The following IFFO2 variants were observed in gnomAD, a reference collection of about 807,000 sequenced individuals.
The protein encoded by IFFO2 is intermediate filament family orphan 2.
IFFO2 carries 19 observed loss-of-function variants against 53.5 expected under a neutral mutation model. That is an observed-to-expected ratio of 0.36 (90% CI 0.25 to 0.52). The LOEUF (loss-of-function observed/expected upper bound fraction) is 0.52. Ranked by LOEUF, IFFO2 falls within the 20% of genes least tolerant of loss-of-function variation. The pLI is 0.94. For synonymous variants in IFFO2, 303 were observed against 313.6 expected, an observed-to-expected ratio of 0.97 and a Z score of 0.36; for missense variants, 570 against 727.4, an observed-to-expected ratio of 0.78 and a Z score of 2.49.
intron 1 of IFFO2, among the ~76,000 whole-genome samples, chr1:18,955,097 G>A (rs936280549): frequency 6.6e-6 from 1 of 152,154 alleles, no homozygotes; most frequent in Admixed American, 6.5e-5. Context: ...TTTCAAAAAC[G>A]TGATCTCATT....
rs533230199 is a variant in IFFO2, at chr1:18,928,989, C to A, written c.666-7868G>T. On this transcript the variant is annotated intron_variant, in intron 1 of 8. Coordinates refer to ENST00000455833, the MANE Select transcript of IFFO2 (RefSeq NM_001136265.2). The surrounding 1 kb of genome is among the most constrained non-coding windows in gnomAD (Gnocchi z 4.9). ...GCTGGGTGCCCTCTCCCAGAAGAAG[C>A]AGCAGCGTGGTGTGGGAGCATGCAT... Among the ~76,000 whole-genome samples the A allele has an allele frequency of 6.6e-6, 1 of 152,306 alleles. No individual in the cohort carries two copies. The highest frequency in any genetic ancestry group is 2.1e-4 in the South Asian group (1 of 4,822).
chr1:18,940,329 G>A (rs930634746), intron 1 of IFFO2, among the ~76,000 whole-genome samples: 3 of 152,166 alleles, frequency 2.0e-5, no homozygotes, highest in Admixed American at 6.5e-5. Flanking sequence ...CCCTAGCTCC[G>A]CCACTCGCCC....
chr1:18,913,755 C>T (rs1159130308), intron 5 of IFFO2, among the ~76,000 whole-genome samples: 1 of 152,176 alleles, frequency 6.6e-6, no homozygotes, highest in Admixed American at 6.5e-5. Flanking sequence ...GCGGCCCACA[C>T]AGAACTGCAG....
intron 5 of IFFO2, among the ~76,000 whole-genome samples, chr1:18,913,717 C>T (rs991613613): frequency 4.6e-5 from 7 of 152,202 alleles, no homozygotes; most frequent in African/African-American, 1.7e-4. Context: ...TGGGAAAGGC[C>T]CAGGGCCCCG....
rs1449602009 is a variant in IFFO2 at position 18,955,905 on chromosome 1, A to C, written c.428T>G (p.Leu143Arg). The change falls in exon 1 of 9, where the codon CTG (leucine) becomes CGG (arginine). Residue 143 changes from leucine (L) to arginine (R), a missense_variant. Physicochemically the swap from Leu to Arg is moderately radical, Grantham distance 102. Transcript: ENST00000455833. ...ANANAVALGG[L>R]PPGGGSHPQH... ...CGGGTGCGAGCCGCCGCCGGGGGGC[A>C]GGCCGCCCAGGGCCACGGCATTGGC... 1 of 1,339,858 alleles carries C rather than the reference A, an allele frequency of 7.5e-7. No homozygotes were observed. Among genetic ancestry groups the C allele is most frequent in the Non-Finnish European group, 9.5e-7 (1 of 1,054,870 alleles). 83.0% of individuals were successfully genotyped at this position (1,339,858 alleles called of 1,614,324 possible).
Position 18,956,246 on chromosome 1 carries a change from G to T in IFFO2, c.87C>A (p.Gly29=). 1.8e-6 allele frequency: 2 copies of T among 1,135,320 alleles called. No homozygotes were observed. The highest frequency in any genetic ancestry group is 1.1e-6 in the Non-Finnish European group (1 of 895,042). The allele number at this position is 1,135,320 out of a possible 1,614,324, so 70.3% of individuals were successfully genotyped here. The change falls in exon 1 of 9, where the codon GGC becomes GGA. Residue 29 remains glycine (G), a synonymous_variant. Coordinates refer to ENST00000455833, the MANE Select transcript of IFFO2 (RefSeq NM_001136265.2). The surrounding 1 kb of genome is among the most constrained non-coding windows in gnomAD (Gnocchi z 6.4). The part of the protein sequence containing the change: ...GGGGGGCPGG[G]GGGGGAGPGP... ...CCGGCCCTGCCCCGCCGCCGCCGCC[G>T]CCCCCGCCAGGGCAGCCCCCGCCGC... is the stretch of plus-strand genomic sequence containing the variant.
At chr1:18,949,340 T>A (rs1239650788) in intron 1 of IFFO2, among the ~76,000 whole-genome samples, 1 of 152,220 alleles carries the variant, frequency 6.6e-6, no homozygotes, top group Non-Finnish European at 1.5e-5. Flanking sequence ...GGCAGACACA[T>A]GCCAGGTAGT....
At chr1:18,913,326 G>C (rs906391629) in intron 5 of IFFO2, among the ~76,000 whole-genome samples, 1 of 152,376 alleles carries the variant, frequency 6.6e-6, no homozygotes, top group East Asian at 1.9e-4. Context: ...GGAGAGGGCC[G>C]TGTGGCCCGG....
At chr1:18,932,759 C>T (rs75670292) in intron 1 of IFFO2, among the ~76,000 whole-genome samples, 1 of 152,176 alleles carries the variant, frequency 6.6e-6, no homozygotes, top group African/African-American at 2.4e-5. Flanking sequence ...GGCCAAGGCC[C>T]CGGGGATGAG....
intron 1 of IFFO2, among the ~76,000 whole-genome samples, chr1:18,938,097 C>A (rs1557647185): frequency 2.0e-5 from 3 of 152,238 alleles, no homozygotes; most frequent in Non-Finnish European, 4.4e-5. Flanking sequence ...CACCCCCTGT[C>A]CCTTATCCCA....
intron 1 of IFFO2, among the ~76,000 whole-genome samples, chr1:18,944,873 AG>A (rs1936566433): frequency 6.6e-6 from 1 of 152,220 alleles, no homozygotes; most frequent in East Asian, 1.9e-4. Flanking sequence ...CAAGAAAGAA[AG>A]GAAAGAGGGA....
Position 18,955,667 on chromosome 1 carries a change from C to A in IFFO2, c.665+1G>T. 6.3e-7 allele frequency: 1 copy of A among 1,576,992 alleles called. No individual in the cohort carries two copies. Among genetic ancestry groups the A allele is most frequent in the East Asian group, 2.4e-5 (1 of 41,976 alleles). On this transcript the variant is annotated splice_donor_variant, in intron 1 of 8. Coordinates refer to ENST00000455833, the MANE Select transcript of IFFO2 (RefSeq NM_001136265.2). LOFTEE classifies it high-confidence loss of function. ...GCGGCGGGGGAGGGGCGGCCACTCA[C>A]CTCCGCTTATACTCGTCGCGCTCGC... is the stretch of plus-strand genomic sequence containing the variant.
chr1:18,939,701 G>A (rs1936496420), intron 1 of IFFO2, among the ~76,000 whole-genome samples: 1 of 152,168 alleles, frequency 6.6e-6, no homozygotes, highest in African/African-American at 2.4e-5. Context: ...TACGCAGCAA[G>A]GTAATGGTGC....
chr1:18,936,703 C>T lies in IFFO2; in HGVS notation c.666-15582G>A, dbSNP rs1421063620. ...GTAATCTCCCGCATACTTACTCACC[C>T]GCAGCCGCCCTGGAGCCAGCTGCCT... On this transcript the variant is annotated intron_variant, in intron 1 of 8. Coordinates refer to ENST00000455833, the MANE Select transcript of IFFO2 (RefSeq NM_001136265.2). The surrounding 1 kb of genome is among the most constrained non-coding windows in gnomAD (Gnocchi z 4.5). Among the ~76,000 whole-genome samples, 1 of 152,212 alleles carries T rather than the reference C, an allele frequency of 6.6e-6. No individual in the cohort carries two copies. The highest frequency in any genetic ancestry group is 1.5e-5 in the Non-Finnish European group (1 of 68,038).
rs1936334271 is a variant in IFFO2, at chr1:18,928,652, G to C, written c.666-7531C>G. ...AGGCAGAGGGGTCTGACATCCATAGGGAAGTTCCCTGTGGAAGAGCGGGTA... is the reference window on the plus strand; with the variant it reads ...AGGCAGAGGGGTCTGACATCCATAGCGAAGTTCCCTGTGGAAGAGCGGGTA... On this transcript the variant is annotated intron_variant, in intron 1 of 8. Transcript: ENST00000455833. The surrounding 1 kb of genome is among the most constrained non-coding windows in gnomAD (Gnocchi z 4.9). 6.6e-6 allele frequency among the ~76,000 whole-genome samples: 1 copy of C among 152,202 alleles called. No individual in the cohort carries two copies. The highest frequency in any genetic ancestry group is 2.4e-5 in the African/African-American group (1 of 41,450).
At chr1:18,926,053 AT>A (rs142834542) in intron 1 of IFFO2, among the ~76,000 whole-genome samples, 10 of 11,382 alleles carry the variant, frequency 8.8e-4, no homozygotes, top group African/African-American at 2.3e-3. Flanking sequence ...GGATGGATGG[AT>A]TGGTTGGATG....
At chr1:18,948,719 T>C (rs16862396) in intron 1 of IFFO2, among the ~76,000 whole-genome samples, 120,543 of 152,160 alleles carry the variant, frequency 0.79, 48,875 homozygotes, top group East Asian at 0.94. Context: ...GCTGTGCAAC[T>C]CACAGATGCT....
intron 1 of IFFO2, among the ~76,000 whole-genome samples, chr1:18,922,161 G>C (rs1364941539): frequency 6.6e-6 from 1 of 152,186 alleles, no homozygotes; most frequent in Admixed American, 6.5e-5. Context: ...CTCCAGACTG[G>C]TTGCTCAGAA....
At position 18,918,604 on chromosome 1, in the gene IFFO2, C is replaced by G; in HGVS notation, c.823-102G>C. ...CCCCTAGGTGTCAGCAGGGGTGGTG[C>G]GGGGAGGCCTCCAGAGTCCGAGGGT... On this transcript the variant is annotated intron_variant, in intron 3 of 8. Transcript: ENST00000455833. This position sits in a 1 kb window ranked among gnomAD's most constrained non-coding sequence, Gnocchi z 5.2. The G allele has an allele frequency of 2.9e-6, 3 of 1,050,324 alleles. No homozygotes were observed. The highest frequency in any genetic ancestry group is 1.5e-5 in the South Asian group (1 of 67,358). The allele number at this position is 1,050,324 out of a possible 1,614,324, so 65.1% of individuals were successfully genotyped here.
Sources: gnomAD v4.1 joint callset for allele counts (sites outside exome capture counted in the v4.1 genomes callset) on GRCh38, gnomAD v4.1.1 for gene constraint, Gnocchi (gnomAD v3.1) non-coding constraint, MANE v1.5 for transcripts, NCBI Gene and HGNC (gene_info 2026-07-23, HGNC 2026-07-21) for gene names.